FAM120A: variants seen among roughly 807,000 people sequenced by gnomAD.
FAM120A encodes the protein family with sequence similarity 120 member A, also known as constitutive coactivator of PPAR-gamma-like protein 1.
A neutral mutation model predicts 109.7 loss-of-function variants in FAM120A; 15 were observed. That is an observed-to-expected ratio of 0.14 (90% CI 0.09 to 0.21). The LOEUF (loss-of-function observed/expected upper bound fraction) is 0.21. FAM120A is among the 10% of genes least tolerant of loss of function. The pLI is 1.00. For synonymous variants in FAM120A, 493 were observed against 572.8 expected (o/e 0.86, Z 1.99); for missense variants, 899 against 1,439.3 (o/e 0.62, Z 6.07).
rs562503071 is a variant in FAM120A, at chr9:93,478,587, C to T, written c.804+2249C>T. On this transcript the variant is annotated intron_variant, in intron 3 of 17. Transcript: ENST00000277165. Reference sequence around the variant, plus strand: ...TGCCTCCAGGGTTCAAGTGATTCTCCTGCCTCAGCCTTCCAAGTAGCTGGG... The same window carrying T: ...TGCCTCCAGGGTTCAAGTGATTCTCTTGCCTCAGCCTTCCAAGTAGCTGGG... Among the ~76,000 whole-genome samples the T allele has an allele frequency of 2.0e-5, 3 of 152,080 alleles. 1 individual carries two copies. In the South Asian group the frequency reaches 6.3e-4, roughly 32 times the overall value.
intron 3 of FAM120A, among the ~76,000 whole-genome samples, chr9:93,494,947 C>G (rs573763933): frequency 1.3e-5 from 2 of 152,308 alleles, no homozygotes; most frequent in African/African-American, 2.4e-5. Context: ...GCCGACTCCT[C>G]TTTTCTTCCC....
intron 1 of FAM120A, among the ~76,000 whole-genome samples, chr9:93,470,607 G>C (rs986249738): frequency 6.6e-6 from 1 of 152,176 alleles, no homozygotes; most frequent in African/African-American, 2.4e-5. Context: ...GTCTCCACGT[G>C]TGGGAGGCCT....
chr9:93,509,979 G>A (rs10123186), intron 5 of FAM120A, among the ~76,000 whole-genome samples: 3,479 of 152,164 alleles, frequency 0.023, 129 homozygotes, highest in African/African-American at 0.079. Flanking sequence ...TTTGAGATGC[G>A]TCCTAGTTCA....
chr9:93,534,079 G>C (rs778657105), intron 10 of FAM120A, among the ~76,000 whole-genome samples: 11 of 152,108 alleles, frequency 7.2e-5, no homozygotes, highest in Admixed American at 2.0e-4. Flanking sequence ...TCTTGACCTC[G>C]TGCCTGCTGC....
chr9:93,508,834 A>G (rs1046968987), intron 5 of FAM120A, among the ~76,000 whole-genome samples: 30 of 152,340 alleles, frequency 2.0e-4, no homozygotes, highest in Middle Eastern at 6.8e-3. Flanking sequence ...CTCAATAGAT[A>G]GTGTTAACAG....
At position 93,452,508 on chromosome 9, in the gene FAM120A, C is replaced by A; in HGVS notation, c.474+119C>A. 2.6e-6 allele frequency: 4 copies of A among 1,549,276 alleles called. No homozygotes were observed. In the South Asian group the frequency reaches 4.6e-5, roughly 18 times the overall value. ...CGCTGGGGGCAGCGAGTTCCCCCAG[C>A]CCTTGCCCGGGATAGCCTGGCCGGG... On this transcript the variant is annotated intron_variant, in intron 1 of 17. Transcript: ENST00000277165. The surrounding 1 kb of genome is among the most constrained non-coding windows in gnomAD (Gnocchi z 7.0).
intron 13 of FAM120A, among the ~76,000 whole-genome samples, chr9:93,557,127 G>GTT (rs60903831): frequency 0.2 from 23,987 of 119,974 alleles, 3,284 homozygotes; most frequent in African/African-American, 0.39. Flanking sequence ...GTTTGTTTTG[G>GTT]TTTTTTTTTT....
intron 3 of FAM120A, among the ~76,000 whole-genome samples, chr9:93,488,353 G>GT (rs1859160899): frequency 6.6e-6 from 1 of 152,090 alleles, no homozygotes; most frequent in Non-Finnish European, 1.5e-5. Flanking sequence ...CTTGTGGATG[G>GT]TTTTCAGCCT....
chr9:93,552,224 A>G (rs938540027), intron 12 of FAM120A, among the ~76,000 whole-genome samples: 8 of 152,250 alleles, frequency 5.3e-5, no homozygotes, highest in African/African-American at 1.7e-4. Flanking sequence ...CTTATATCCC[A>G]TATCCTTTTC....
At chr9:93,557,729 A>C (rs1021089074) in intron 13 of FAM120A, 98 bp from the exon 14 acceptor site, 2 of 1,210,364 alleles carry the variant, frequency 1.7e-6, no homozygotes, top group South Asian at 3.1e-5. Flanking sequence ...AAGGGAACCA[A>C]CTGTATAGTT....
chr9:93,451,769 CGGCGGCCAT>C lies in FAM120A; in HGVS notation c.-145_-137del. ...GGGAGGCGGCAGCACATGGCGGCCG[CGGCGGCCAT>C]GAGCGCGCCCCCGACCCGCCCCAGT... On this transcript the variant is annotated 5_prime_UTR_variant, in exon 1 of 18. It removes an upstream start codon present in the reference 5' UTR. Transcript: ENST00000277165. 1 of 981,742 alleles carries C rather than the reference CGGCGGCCAT, an allele frequency of 1.0e-6. No individual in the cohort carries two copies. Among genetic ancestry groups the C allele is most frequent in the Non-Finnish European group, 1.2e-6 (1 of 829,244 alleles). The allele number at this position is 981,742 out of a possible 1,614,324, so 60.8% of individuals were successfully genotyped here. A position where few individuals can be genotyped will look rare whatever the true frequency, so the allele number is the denominator to read the frequency against.
chr9:93,538,622 C>T (rs1861600111), intron 10 of FAM120A, among the ~76,000 whole-genome samples: 1 of 152,198 alleles, frequency 6.6e-6, no homozygotes, highest in Admixed American at 6.5e-5. Flanking sequence ...GCAGTTCTCT[C>T]TCCTGCGCCC....
At chr9:93,505,066 T>TG (rs1859978548) in intron 5 of FAM120A, among the ~76,000 whole-genome samples, 1 of 137,114 alleles carries the variant, frequency 7.3e-6, no homozygotes, top group Non-Finnish European at 1.6e-5. Flanking sequence ...TTTTTTTTTT[T>TG]TTTTTTTTTT....
Position 93,550,856 on chromosome 9 carries a change from G to A in FAM120A, c.2274+165G>A, listed in dbSNP as rs567588113. Among the ~76,000 whole-genome samples, 17 of 152,300 alleles carry A rather than the reference G, an allele frequency of 1.1e-4. 1 individual carries two copies. In the South Asian group the frequency reaches 3.5e-3, roughly 32 times the overall value. On this transcript the variant is annotated intron_variant, in intron 12 of 17. Transcript: ENST00000277165. ...TAAGAACTTGATCAATCGCCTTCAT[G>A]GCAAAAGGAATATTCCTTTCTAGTT... is the stretch of plus-strand genomic sequence containing the variant.
At position 93,497,573 on chromosome 9, in the gene FAM120A, G is replaced by T. The variant is rs1859626310; in HGVS notation, c.907G>T (p.Ala303Ser). 1.9e-6 allele frequency: 3 copies of T among 1,603,744 alleles called. No individual in the cohort carries two copies. The highest frequency in any genetic ancestry group is 2.5e-6 in the Non-Finnish European group (3 of 1,176,832). ...IQDTSDLDAI[A>S]KDVFQHSQSR... is the part of the protein sequence containing the mutation. The stretch of plus-strand genomic sequence containing the variant: ...GGACACCTCTGACTTGGATGCCATA[G>T]CTAAAGATGTTTTCCAGCATTCACA... Residue 303 changes from alanine to serine, a missense_variant, in exon 4 of 18, where the codon GCT becomes TCT. Ala to Ser is a moderately conservative substitution (Grantham distance 99). Around this residue, in one of 11 missense-constraint regions of FAM120A, gnomAD observed 258 missense variants for 451.4 expected, o/e 0.57. Transcript: ENST00000277165.
chr9:93,533,286 G>A (rs984270913), intron 10 of FAM120A, among the ~76,000 whole-genome samples: 3 of 152,224 alleles, frequency 2.0e-5, no homozygotes, highest in Non-Finnish European at 2.9e-5. Flanking sequence ...TTTAACCTAA[G>A]TTCATTAGAT....
At chr9:93,468,820 G>A (rs1564310726) in intron 1 of FAM120A, among the ~76,000 whole-genome samples, 1 of 152,150 alleles carries the variant, frequency 6.6e-6, no homozygotes, top group Non-Finnish European at 1.5e-5. Flanking sequence ...ATTTCCTGGA[G>A]TGAGGTTACC....
At chr9:93,502,990 A>G (rs1859872020) in intron 5 of FAM120A, among the ~76,000 whole-genome samples, 1 of 152,234 alleles carries the variant, frequency 6.6e-6, no homozygotes, top group African/African-American at 2.4e-5. Flanking sequence ...TGCAGGTGAA[A>G]TTGAGGCTGA....
At chr9:93,480,041 A>G (rs1214402020) in intron 3 of FAM120A, among the ~76,000 whole-genome samples, 1 of 152,206 alleles carries the variant, frequency 6.6e-6, no homozygotes, top group African/African-American at 2.4e-5. Flanking sequence ...GATCGTGCTT[A>G]TTACTAGATT....
Sources: allele counts gnomAD v4.1 joint callset (sites outside exome capture counted in the v4.1 genomes callset), GRCh38; gene constraint gnomAD v4.1.1; regional missense constraint gnomAD v4.1.1; non-coding constraint Gnocchi (gnomAD v3.1); transcripts MANE v1.5; gene names NCBI Gene and HGNC (gene_info 2026-07-23, HGNC 2026-07-21).